SLC22A23: variants seen among roughly 807,000 people sequenced by gnomAD.
SLC22A23 encodes solute carrier family 22 member 23.
In SLC22A23, 26 loss-of-function variants were observed where a neutral mutation model predicts 61.0. That is an observed-to-expected ratio of 0.43 (90% CI 0.31 to 0.59). The LOEUF (loss-of-function observed/expected upper bound fraction) is 0.59, where lower values mean the gene tolerates loss of function less well. Among genes scored for constraint, SLC22A23 ranks in the 20% least tolerant of loss-of-function variants. SLC22A23 has a pLI of 0.11. For missense variants in SLC22A23, 796 were observed against 934.7 expected (o/e 0.85, Z 1.94); for synonymous variants, 430 against 413.9 (o/e 1.04, Z -0.47).
chr6:3,292,621 C>T (rs1760708030), intron 5 of SLC22A23, among the ~76,000 whole-genome samples: 1 of 152,248 alleles, frequency 6.6e-6, no homozygotes, highest in South Asian at 2.1e-4. Flanking sequence ...TCCTGCAGCC[C>T]CTGTGCCTCC....
At chr6:3,396,079 C>T (rs1437031369) in intron 3 of SLC22A23, among the ~76,000 whole-genome samples, 1 of 152,210 alleles carries the variant, frequency 6.6e-6, no homozygotes, top group Non-Finnish European at 1.5e-5. Flanking sequence ...GCACTAGAGC[C>T]AGGCGGACTT....
chr6:3,399,041 T>G (rs904336570), intron 3 of SLC22A23, among the ~76,000 whole-genome samples: 5 of 150,930 alleles, frequency 3.3e-5, no homozygotes, highest in Admixed American at 6.6e-5. Context: ...AAAAATAAAA[T>G]AAAATAATAA....
chr6:3,366,984 G>A (rs1274794730), intron 3 of SLC22A23, among the ~76,000 whole-genome samples: 1 of 152,222 alleles, frequency 6.6e-6, no homozygotes, highest in Non-Finnish European at 1.5e-5. Context: ...CCAGGTCTTA[G>A]GCAGTGAGCA....
intron 3 of SLC22A23, among the ~76,000 whole-genome samples, chr6:3,359,354 A>T (rs527290190): frequency 6.6e-6 from 1 of 152,258 alleles, no homozygotes; most frequent in Non-Finnish European, 1.5e-5. Flanking sequence ...TAGGTCACAC[A>T]TATAACTATC....
intron 3 of SLC22A23, among the ~76,000 whole-genome samples, chr6:3,334,381 G>C (rs527563569): frequency 6.6e-6 from 1 of 152,126 alleles, no homozygotes; most frequent in South Asian, 2.1e-4. Flanking sequence ...GGCTGGTCTT[G>C]AACTCCTGAC....
chr6:3,279,836 TG>T (rs1455024359), intron 9 of SLC22A23, among the ~76,000 whole-genome samples: 1 of 152,140 alleles, frequency 6.6e-6, no homozygotes, highest in Non-Finnish European at 1.5e-5. Flanking sequence ...AGCACAAAAT[TG>T]TAATACCCAC....
chr6:3,452,109 G>A (rs187752004), intron 1 of SLC22A23, among the ~76,000 whole-genome samples: 1 of 152,300 alleles, frequency 6.6e-6, no homozygotes, highest in East Asian at 1.9e-4. Context: ...GGTAGGCTGG[G>A]CTAAGCCAGC....
At chr6:3,452,398 G>C (rs1772192576) in intron 1 of SLC22A23, among the ~76,000 whole-genome samples, 1 of 151,910 alleles carries the variant, frequency 6.6e-6, no homozygotes, top group African/African-American at 2.4e-5. Flanking sequence ...TTCAACACCA[G>C]CCTGGGCAAT....
intron 3 of SLC22A23, among the ~76,000 whole-genome samples, chr6:3,404,379 C>T (rs1317081568): frequency 6.6e-6 from 1 of 152,198 alleles, no homozygotes; most frequent in Non-Finnish European, 1.5e-5. Context: ...TCTGTCCTCA[C>T]ATTTCCATTT....
At chr6:3,412,917 G>C (rs1332184658) in intron 2 of SLC22A23, among the ~76,000 whole-genome samples, 1 of 152,116 alleles carries the variant, frequency 6.6e-6, no homozygotes, top group African/African-American at 2.4e-5. Context: ...TTATCTCCTG[G>C]GTCTTGCAAA....
intron 4 of SLC22A23, among the ~76,000 whole-genome samples, chr6:3,303,889 T>C (rs1761791726): frequency 6.6e-6 from 1 of 152,254 alleles, no homozygotes; most frequent in African/African-American, 2.4e-5. Context: ...ATATGCTGCA[T>C]GCTATTATGT....
chr6:3,302,283 CT>C (rs1172018671), intron 4 of SLC22A23, among the ~76,000 whole-genome samples: 3 of 152,120 alleles, frequency 2.0e-5, no homozygotes, highest in Middle Eastern at 3.4e-3. Context: ...GTTGTGATGT[CT>C]TTTTTTGTTT....
chr6:3,362,681 C>T (rs1476810732), intron 3 of SLC22A23, among the ~76,000 whole-genome samples: 1 of 152,092 alleles, frequency 6.6e-6, no homozygotes, highest in East Asian at 1.9e-4. Flanking sequence ...CAAATCTGGC[C>T]TCTCCGTCTC....
chr6:3,277,797 C>G (rs1377751609), intron 9 of SLC22A23, among the ~76,000 whole-genome samples: 3 of 152,206 alleles, frequency 2.0e-5, no homozygotes, highest in Non-Finnish European at 4.4e-5. Context: ...TGCGCTGGCC[C>G]TCAAGGTACA....
Position 3,427,266 on chromosome 6 carries a change from T to G in SLC22A23, c.655-11411A>C, listed in dbSNP as rs571572739. On this transcript the variant is annotated intron_variant, in intron 1 of 9. Coordinates refer to ENST00000406686, the MANE Select transcript of SLC22A23 (RefSeq NM_015482.2). This position sits in a 1 kb window ranked among gnomAD's most constrained non-coding sequence, Gnocchi z 4.3. ...GGTGCAGTAACCGGCACAAAGTGATTATTACTCATTAATTTTGTCTGTCAG... is the reference window on the plus strand; with the variant it reads ...GGTGCAGTAACCGGCACAAAGTGATGATTACTCATTAATTTTGTCTGTCAG... Among the ~76,000 whole-genome samples the G allele has an allele frequency of 6.6e-6, 1 of 152,240 alleles. No homozygotes were observed. The highest frequency in any genetic ancestry group is 1.9e-4 in the East Asian group (1 of 5,180).
chr6:3,362,256 T>C (rs552540509), intron 3 of SLC22A23, among the ~76,000 whole-genome samples: 1 of 151,070 alleles, frequency 6.6e-6, no homozygotes, highest in Admixed American at 6.6e-5. Flanking sequence ...TACAAAAAAT[T>C]AGCTGGGCGT....
intron 1 of SLC22A23, among the ~76,000 whole-genome samples, chr6:3,437,130 G>T (rs573977868): frequency 6.6e-6 from 1 of 152,228 alleles, no homozygotes; most frequent in South Asian, 2.1e-4. Context: ...ACTTATCTAA[G>T]ACTCTGCCCC....
intron 3 of SLC22A23, among the ~76,000 whole-genome samples, chr6:3,401,827 G>A (rs774140094): frequency 6.6e-5 from 10 of 152,122 alleles, no homozygotes; most frequent in South Asian, 2.1e-4. Flanking sequence ...CTGAGGACAC[G>A]GGGGCCTTGC....
intron 1 of SLC22A23, among the ~76,000 whole-genome samples, chr6:3,421,693 T>C (rs1201719702): frequency 6.6e-6 from 1 of 151,908 alleles, no homozygotes; most frequent in Non-Finnish European, 1.5e-5. Context: ...AGCCCTCAAA[T>C]GACAGAAAAA....
Sources: allele counts gnomAD v4.1 joint callset (sites outside exome capture counted in the v4.1 genomes callset), GRCh38; gene constraint gnomAD v4.1.1; non-coding constraint Gnocchi (gnomAD v3.1); transcripts MANE v1.5; gene names NCBI Gene and HGNC (gene_info 2026-07-23, HGNC 2026-07-21).